Variants in ZNF337 observed in about 807,000 individuals in gnomAD.
ZNF337 encodes zinc finger protein 337.
ZNF337 carries 8 observed loss-of-function variants against 12.1 expected under a neutral mutation model. The ratio of observed to expected loss-of-function variants is 0.66; its 90% CI spans 0.39 to 1.19. The LOEUF (loss-of-function observed/expected upper bound fraction) is 1.19, where lower values mean the gene tolerates loss of function less well. ZNF337 is among the 50% of genes most tolerant of loss of function. The pLI, the probability that ZNF337 is intolerant of heterozygous loss-of-function variation, is 0.01. For missense variants in ZNF337, 882 were observed against 896.6 expected (o/e 0.98, Z 0.21); for synonymous variants, 336 against 320.0 (o/e 1.05, Z -0.53).
At chr20:25,687,463 TA>T (rs897265255) in intron 1 of ZNF337, among the ~76,000 whole-genome samples, 24 of 152,182 alleles carry the variant, frequency 1.6e-4, no homozygotes, top group African/African-American at 5.1e-4. Flanking sequence ...CACAGACATA[TA>T]GGGGTGAAAA....
chr20:25,696,087 TCCCCC>T lies in ZNF337; in HGVS notation c.-50+667_-50+671del, dbSNP rs149644721. On this transcript the variant is annotated intron_variant, in intron 1 of 4. Transcript: ENST00000252979. The stretch of plus-strand genomic sequence containing the variant: ...TCCCGCGGACGCTGCCCCACGCAGA[TCCCCC>T]CCCCCCCCCACCAAAACACGTCTAG... Among the ~76,000 whole-genome samples, 198 of 52,124 alleles carry T rather than the reference TCCCCC, an allele frequency of 3.8e-3. 7 individuals are homozygous for T. Among genetic ancestry groups the T allele is most frequent in the African/African-American group, 0.012 (182 of 15,800 alleles). The allele number at this position is 52,124 out of a possible 152,430, so 34.2% of individuals were successfully genotyped here.
At chr20:25,695,802 C>A (rs1032212146) in intron 1 of ZNF337, among the ~76,000 whole-genome samples, 1 of 152,156 alleles carries the variant, frequency 6.6e-6, no homozygotes, top group Admixed American at 6.5e-5. Context: ...GCTGGGACTA[C>A]AGGCATGAGC....
At chr20:25,688,991 A>G (rs1400480125) in intron 1 of ZNF337, among the ~76,000 whole-genome samples, 1 of 152,040 alleles carries the variant, frequency 6.6e-6, no homozygotes, top group East Asian at 1.9e-4. Flanking sequence ...TACAAAAAAT[A>G]GCCGGGAGTG....
At chr20:25,682,530 C>A (rs972193035) in intron 4 of ZNF337, among the ~76,000 whole-genome samples, 1 of 152,010 alleles carries the variant, frequency 6.6e-6, no homozygotes, top group Non-Finnish European at 1.5e-5. Context: ...TAAATAACAA[C>A]AACAAAAATC....
At chr20:25,686,857 G>A (rs113281404) in intron 1 of ZNF337, 5 of 197,060 alleles carry the variant, frequency 2.5e-5, no homozygotes, top group African/African-American at 1.2e-4. Context: ...ATAACCACAG[G>A]TGCAGACAAA....
At chr20:25,691,532 G>A (rs759118856) in intron 1 of ZNF337, among the ~76,000 whole-genome samples, 1 of 152,198 alleles carries the variant, frequency 6.6e-6, no homozygotes, top group Admixed American at 6.5e-5. Flanking sequence ...AGGACTGGCA[G>A]GGGGAGAGAA....
intron 4 of ZNF337, among the ~76,000 whole-genome samples, chr20:25,684,663 GAC>G (rs2065806410): frequency 6.6e-6 from 1 of 152,146 alleles, no homozygotes; most frequent in Non-Finnish European, 1.5e-5. Context: ...CTACTATAAA[GAC>G]ACATGCAGAG....
intron 4 of ZNF337, among the ~76,000 whole-genome samples, chr20:25,683,537 A>C (rs1475906808): frequency 6.6e-6 from 1 of 152,174 alleles, no homozygotes; most frequent in African/African-American, 2.4e-5. Context: ...CCCATCAAAA[A>C]ATGGGCAAAG....
intron 1 of ZNF337, among the ~76,000 whole-genome samples, chr20:25,689,027 C>T (rs543914248): frequency 1.6e-4 from 24 of 151,820 alleles, no homozygotes; most frequent in African/African-American, 5.8e-4. Context: ...GTCCCAGCTA[C>T]TCGGGAGGCT....
In ZNF337 at chr20:25,675,751, C is replaced by T. The variant is rs551234632; in HGVS notation, c.1537G>A (p.Glu513Lys). The change falls in exon 5 of 5, where the codon GAG becomes AAG. Residue 513 changes from glutamate (E) to lysine (K), a missense_variant. Physicochemically the swap from Glu to Lys is moderately conservative, Grantham distance 56. Transcript: ENST00000252979. ...YNKHLRAHLG[E>K]KRFFCRDCGR... ...CAATCCCTGCAGAAAAAACGTTTCT[C>T]ACCCAAGTGTGCCCTCAGGTGCTTG... is the stretch of plus-strand genomic sequence containing the variant. The T allele has an allele frequency of 1.9e-6, 3 of 1,614,010 alleles. No individual in the cohort carries two copies. The highest frequency in any genetic ancestry group is 1.3e-5 in the African/African-American group (1 of 74,986).
chr20:25,675,720 C>T lies in ZNF337; in HGVS notation c.1568G>A (p.Arg523Gln), dbSNP rs1216057961. The T allele has an allele frequency of 1.1e-5, 18 of 1,613,744 alleles. No individual in the cohort carries two copies. Among genetic ancestry groups the T allele is most frequent in the African/African-American group, 2.7e-5 (2 of 74,836 alleles). The change falls in exon 5 of 5, where the codon CGA (arginine) becomes CAA (glutamine). Residue 523 changes from arginine (R) to glutamine (Q), a missense_variant. Physicochemically the swap from Arg to Gln is conservative, Grantham distance 43 (BLOSUM62 1). Coordinates refer to ENST00000252979, the MANE Select transcript of ZNF337 (RefSeq NM_015655.4). The stretch of plus-strand genomic sequence containing the variant: ...GAGATTTGGCTTCAAGGTAAAGCCT[C>T]GCCCACAATCCCTGCAGAAAAAACG... ...EKRFFCRDCG[R>Q]GFTLKPNLTI...
At chr20:25,689,094 G>A (rs1364743118) in intron 1 of ZNF337, among the ~76,000 whole-genome samples, 10 of 146,316 alleles carry the variant, frequency 6.8e-5, no homozygotes, top group Admixed American at 2.8e-4. Context: ...CCGAGATCGC[G>A]CCACTGCGCT....
intron 1 of ZNF337, among the ~76,000 whole-genome samples, chr20:25,695,960 A>T (rs1186276094): frequency 6.6e-6 from 1 of 152,148 alleles, no homozygotes; most frequent in Non-Finnish European, 1.5e-5. Flanking sequence ...CATACTGACT[A>T]GGAATAAACC....
chr20:25,677,286 A>T lies in ZNF337; in HGVS notation c.251-249T>A, dbSNP rs1431215663. ...GGACACAGCAAAAACAGAGAACTACAGGCCAATATCCCTGATGATGCTAAA... is the reference window on the plus strand; with the variant it reads ...GGACACAGCAAAAACAGAGAACTACTGGCCAATATCCCTGATGATGCTAAA... On this transcript the variant is annotated intron_variant, in intron 4 of 4. Coordinates refer to ENST00000252979, the MANE Select transcript of ZNF337 (RefSeq NM_015655.4). 9.8e-6 allele frequency: 4 copies of T among 407,698 alleles called. No individual in the cohort carries two copies. The Admixed American group carries it at 1.6e-4, about 17-fold the overall frequency. 25.3% of individuals were successfully genotyped at this position (407,698 alleles called of 1,614,324 possible).
At chr20:25,678,774 C>T (rs557925016) in intron 4 of ZNF337, among the ~76,000 whole-genome samples, 1 of 151,854 alleles carries the variant, frequency 6.6e-6, no homozygotes, top group Non-Finnish European at 1.5e-5. Context: ...GATGAGACCC[C>T]ATCATTACAA....
At chr20:25,695,575 G>A (rs1000679481) in intron 1 of ZNF337, among the ~76,000 whole-genome samples, 4 of 152,184 alleles carry the variant, frequency 2.6e-5, no homozygotes, top group African/African-American at 9.7e-5. Context: ...TTTGGAGGCA[G>A]GATCTCGCTG....
At chr20:25,685,899 AATAGAGAAAACAAC>A in intron 3 of ZNF337, 83 bp downstream of exon 3, 1 of 1,509,600 alleles carries the variant, frequency 6.6e-7, no homozygotes, top group South Asian at 1.3e-5. Context: ...TCCTCAGGGG[AATAGAGAAAACAAC>A]ATTCTTGTCT....
At chr20:25,696,138 T>C (rs116342047) in intron 1 of ZNF337, among the ~76,000 whole-genome samples, 3,136 of 124,848 alleles carry the variant, frequency 0.025, 118 homozygotes, top group African/African-American at 0.089. Context: ...GCGAGGACAT[T>C]TGGTCCCGGC....
intron 4 of ZNF337, among the ~76,000 whole-genome samples, chr20:25,681,455 C>T (rs1162411021): frequency 1.3e-5 from 2 of 152,094 alleles, no homozygotes; most frequent in South Asian, 2.1e-4. Context: ...ACTCCACAGT[C>T]TGTATGAACC....
Sources: allele counts gnomAD v4.1 joint callset (sites outside exome capture counted in the v4.1 genomes callset), GRCh38; gene constraint gnomAD v4.1.1; transcripts MANE v1.5; gene names NCBI Gene and HGNC (gene_info 2026-07-23, HGNC 2026-07-21).